The following RNF148 variants were observed in gnomAD, a reference collection of about 807,000 sequenced individuals.
RNF148 encodes ring finger protein 148.
Under a neutral mutation model 21.1 loss-of-function variants are expected in RNF148, and 16 were observed. The ratio of observed to expected loss-of-function variants is 0.76; its 90% CI spans 0.51 to 1.15. The LOEUF (loss-of-function observed/expected upper bound fraction) is 1.15. RNF148 is among the 50% of genes most tolerant of loss of function. The pLI is 0.00. For missense variants in RNF148, 424 were observed against 374.2 expected (o/e 1.13, Z -1.10); for synonymous variants, 150 against 136.4 (o/e 1.10, Z -0.69).
At position 122,701,820 on chromosome 7, in the gene RNF148, T is replaced by C. The variant is rs752037797; in HGVS notation, c.*13A>G. ...AAGATCTGGTTACATCTTCAGAAAA[T>C]TCTCCAGATTTCTTAAGTTTTCAGG... On this transcript the variant is annotated 3_prime_UTR_variant, in exon 1 of 1. Transcript: ENST00000434824. 17 of 1,519,744 alleles carry C rather than the reference T, an allele frequency of 1.1e-5. No individual in the cohort carries two copies. Among genetic ancestry groups the C allele is most frequent in the Non-Finnish European group, 1.4e-5 (16 of 1,116,094 alleles). 94.1% of individuals were successfully genotyped at this position (1,519,744 alleles called of 1,614,324 possible).
In RNF148 at chr7:122,701,907, T is replaced by C; in HGVS notation, c.844A>G (p.Lys282Glu). 1 of 1,613,618 alleles carries C rather than the reference T, an allele frequency of 6.2e-7. No individual in the cohort carries two copies. The highest frequency in any genetic ancestry group is 8.5e-7 in the Non-Finnish European group (1 of 1,179,650). ...RILTCKHFFHKACIDPWLLAH... is the reference protein window; with the variant it reads ...RILTCKHFFHEACIDPWLLAH... Reference sequence around the variant, plus strand: ...AAAAGCCAGGGGTCAATGCATGCCTTATGGAAAAAATGTTTGCAAGTTAAA... The same window carrying C: ...AAAAGCCAGGGGTCAATGCATGCCTCATGGAAAAAATGTTTGCAAGTTAAA... Residue 282 changes from lysine to glutamate, a missense_variant, in exon 1 of 1, where the codon AAG (lysine) becomes GAG (glutamate). Coordinates refer to ENST00000434824, the MANE Select transcript of RNF148 (RefSeq NM_198085.2).
At position 122,702,354 on chromosome 7, in the gene RNF148, G is replaced by C; in HGVS notation, c.397C>G (p.Gln133Glu). 4 of 1,613,802 alleles carry C rather than the reference G, an allele frequency of 2.5e-6. No individual in the cohort carries two copies. The highest frequency in any genetic ancestry group is 3.4e-6 in the Non-Finnish European group (4 of 1,179,790). Reference sequence around the variant, plus strand: ...GGAAATACTTTACTGCCCGTACCTTGATAGTTGTAGATGATCACCCCATTT... The same window carrying C: ...GGAAATACTTTACTGCCCGTACCTTCATAGTTGTAGATGATCACCCCATTT... ...GANGVIIYNY[Q>E]GTGSKVFPMS... Residue 133 changes from glutamine (Q) to glutamate (E), a missense_variant, in exon 1 of 1, where the codon CAA (glutamine) becomes GAA (glutamate). By Grantham distance (29) the Gln-to-Glu change is conservative. Transcript: ENST00000434824.
Position 122,702,127 on chromosome 7 carries a change from A to C in RNF148, c.624T>G (p.Asp208Glu). 1 of 1,613,672 alleles carries C rather than the reference A, an allele frequency of 6.2e-7. No homozygotes were observed. Among genetic ancestry groups the C allele is most frequent in the South Asian group, 1.1e-5 (1 of 91,078 alleles). Residue 208 changes from aspartate (D) to glutamate (E), a missense_variant, in exon 1 of 1, where the codon GAT becomes GAG. Coordinates refer to ENST00000434824, the MANE Select transcript of RNF148 (RefSeq NM_198085.2). ...LAATIAYFYL[D>E]CVWRLTPRVP... ...CTCTAGGTGTAAGTCTCCAGACGCA[A>C]TCTAAGTAAAAGTAGGCAATTGTGG...
At position 122,702,355 on chromosome 7, in the gene RNF148, A is replaced by ATAG. The variant is rs759538623; in HGVS notation, c.393_395dup (p.Tyr132dup). 3.1e-6 allele frequency: 5 copies of ATAG among 1,613,616 alleles called. No individual in the cohort carries two copies. Among genetic ancestry groups the ATAG allele is most frequent in the Non-Finnish European group, 4.2e-6 (5 of 1,179,778 alleles). On this transcript the variant is annotated inframe_insertion, in exon 1 of 1. Transcript: ENST00000434824. ...GAAATACTTTACTGCCCGTACCTTG[A>ATAG]TAGTTGTAGATGATCACCCCATTTG... is the stretch of plus-strand genomic sequence containing the variant.
In RNF148 at chr7:122,702,026, C is replaced by T. The variant is rs201540773; in HGVS notation, c.725G>A (p.Arg242Gln). The change falls in exon 1 of 1, where the codon CGA becomes CAA. Residue 242 changes from arginine (R) to glutamine (Q), a missense_variant. Transcript: ENST00000434824. ...TTCCTCATCCCCTTCTTTGAGAACTCGCAGTTGAAGCTGGTCAATAGCTTT... is the reference window on the plus strand; with the variant it reads ...TTCCTCATCCCCTTCTTTGAGAACTTGCAGTTGAAGCTGGTCAATAGCTTT... ...VKKAIDQLQL[R>Q]VLKEGDEELD... 2.5e-5 allele frequency: 41 copies of T among 1,613,648 alleles called. No individual in the cohort carries two copies. The African/African-American group carries it at 3.6e-4, about 14-fold the overall frequency.
rs1320244163 is a variant in RNF148 at position 122,702,456 on chromosome 7, C to T, written c.295G>A (p.Asp99Asn). 1.1e-5 allele frequency: 18 copies of T among 1,613,806 alleles called. No individual in the cohort carries two copies. Among genetic ancestry groups the T allele is most frequent in the Non-Finnish European group, 1.4e-5 (17 of 1,179,778 alleles). Residue 99 changes from aspartate (D) to asparagine (N), a missense_variant, in exon 1 of 1, where the codon GAC becomes AAC. Physicochemically the swap from Asp to Asn is conservative, Grantham distance 23. Coordinates refer to ENST00000434824, the MANE Select transcript of RNF148 (RefSeq NM_198085.2). The stretch of plus-strand genomic sequence containing the variant: ...CGTTCGATGAGGGCCAGCCATGAGT[C>T]TGCCTGTTTGGGCCTGCTGAAATTG... ...LTNFSRPKQA[D>N]SWLALIERGG...
rs376463521 is a variant in RNF148 at position 122,702,123 on chromosome 7, C to G, written c.628G>C (p.Val210Leu). The G allele has an allele frequency of 2.0e-5, 33 of 1,613,434 alleles. No individual in the cohort carries two copies. The East Asian group carries it at 4.0e-4, about 20-fold the overall frequency. Residue 210 changes from valine to leucine, a missense_variant, in exon 1 of 1, where the codon GTC becomes CTC. Val to Leu is a conservative substitution (Grantham distance 32). Transcript: ENST00000434824. Reference protein sequence around the residue: ...ATIAYFYLDCVWRLTPRVPNS... With the variant: ...ATIAYFYLDCLWRLTPRVPNS... ...GGCACTCTAGGTGTAAGTCTCCAGACGCAATCTAAGTAAAAGTAGGCAATT... is the reference window on the plus strand; with the variant it reads ...GGCACTCTAGGTGTAAGTCTCCAGAGGCAATCTAAGTAAAAGTAGGCAATT...
At position 122,702,288 on chromosome 7, in the gene RNF148, T is replaced by C. The variant is rs776551414; in HGVS notation, c.463A>G (p.Ile155Val). The change falls in exon 1 of 1, where the codon ATA becomes GTA. Residue 155 changes from isoleucine (I) to valine (V), a missense_variant. Physicochemically the swap from Ile to Val is conservative, Grantham distance 29 (BLOSUM62 3). Transcript: ENST00000434824. The stretch of plus-strand genomic sequence containing the variant: ...ATTTCCATGCCTTTCAGGTTGCTTA[T>C]CATCACCGCGACTATATTTTCCGTC... ...QGTENIVAVM[I>V]SNLKGMEILH... 2 of 1,613,854 alleles carry C rather than the reference T, an allele frequency of 1.2e-6. No individual in the cohort carries two copies. Among genetic ancestry groups the C allele is most frequent in the Middle Eastern group, 1.6e-4 (1 of 6,062 alleles).
Position 122,701,726 on chromosome 7 carries a change from G to A in RNF148, c.*107C>T. On this transcript the variant is annotated 3_prime_UTR_variant, in exon 1 of 1. Coordinates refer to ENST00000434824, the MANE Select transcript of RNF148 (RefSeq NM_198085.2). The stretch of plus-strand genomic sequence containing the variant: ...AAATTTCACCCTTGTTCATACTTGG[G>A]TAGAGAAGCTGAAATTTTCTCTCTA... 1.4e-6 allele frequency: 1 copy of A among 701,714 alleles called. No homozygotes were observed. Among genetic ancestry groups the A allele is most frequent in the South Asian group, 2.2e-5 (1 of 44,676 alleles). 43.5% of individuals were successfully genotyped at this position (701,714 alleles called of 1,614,324 possible).
In RNF148 at chr7:122,702,040, G is replaced by T. The variant is rs751255171; in HGVS notation, c.711C>A (p.Asp237Glu). 2.5e-6 allele frequency: 4 copies of T among 1,613,480 alleles called. No homozygotes were observed. Among genetic ancestry groups the T allele is most frequent in the Non-Finnish European group, 3.4e-6 (4 of 1,179,626 alleles). ...QIKTDVKKAI[D>E]QLQLRVLKEG... is the part of the protein sequence containing the mutation. ...CTTTGAGAACTCGCAGTTGAAGCTG[G>T]TCAATAGCTTTCTTCACATCTGTCT... is the stretch of plus-strand genomic sequence containing the variant. The change falls in exon 1 of 1, where the codon GAC (aspartate) becomes GAA (glutamate). Residue 237 changes from aspartate (D) to glutamate (E), a missense_variant. Coordinates refer to ENST00000434824, the MANE Select transcript of RNF148 (RefSeq NM_198085.2).
Position 122,702,583 on chromosome 7 carries a change from T to C in RNF148, c.168A>G (p.Leu56=), listed in dbSNP as rs566756622. The C allele has an allele frequency of 2.5e-6, 4 of 1,613,682 alleles. No individual in the cohort carries two copies. The African/African-American group carries it at 5.3e-5, about 22-fold the overall frequency. The change falls in exon 1 of 1, where the codon TTA becomes TTG. Residue 56 remains leucine (L), a synonymous_variant. Transcript: ENST00000434824. ...FQVGNEITSE[L]GESGVFGNHS... is the part of the protein sequence containing the mutation. Reference sequence around the variant, plus strand: ...GATTCCCGAACACTCCACTCTCTCCTAATTCCGATGTGATCTCATTTCCAA... The same window carrying C: ...GATTCCCGAACACTCCACTCTCTCCCAATTCCGATGTGATCTCATTTCCAA...
Position 122,702,688 on chromosome 7 carries a change from A to C in RNF148, c.63T>G (p.Leu21=). Residue 21 remains leucine, a synonymous_variant, in exon 1 of 1, where the codon CTT becomes CTG. Transcript: ENST00000434824. ...HSSVSSGLLR[L]SIFLLLSFPD... is the part of the protein sequence containing the mutation. ...GAAAGCTAAGTAGTAGAAAGATACT[A>C]AGCCTCAAAAGTCCAGATGAAACAG... 1 of 1,612,846 alleles carries C rather than the reference A, an allele frequency of 6.2e-7. No homozygotes were observed. The highest frequency in any genetic ancestry group is 1.1e-5 in the South Asian group (1 of 90,964).
In RNF148 at chr7:122,702,472, G is replaced by C; in HGVS notation, c.279C>G (p.Ser93Arg). ...GCCATGAGTCTGCCTGTTTGGGCCT[G>C]CTGAAATTGGTCAAAGGATGACAGG... is the stretch of plus-strand genomic sequence containing the variant. ...QNACHPLTNF[S>R]RPKQADSWLA... Residue 93 changes from serine to arginine, a missense_variant, in exon 1 of 1, where the codon AGC becomes AGG. Ser to Arg is a moderately radical substitution (Grantham distance 110, BLOSUM62 -1). Coordinates refer to ENST00000434824, the MANE Select transcript of RNF148 (RefSeq NM_198085.2). 1 of 1,613,704 alleles carries C rather than the reference G, an allele frequency of 6.2e-7. No homozygotes were observed.
In RNF148 at chr7:122,701,950, G is replaced by C. The variant is rs1420496484; in HGVS notation, c.801C>G (p.Pro267=). The C allele has an allele frequency of 6.2e-7, 1 of 1,613,548 alleles. No homozygotes were observed. The highest frequency in any genetic ancestry group is 1.1e-5 in the South Asian group (1 of 91,080). ...NCVVCFDTYK[P]QDVVRILTCK... Reference sequence around the variant, plus strand: ...AAGTTAAAATGCGTACTACATCTTGGGGTTTGTATGTGTCAAAGCAAACAA... The same window carrying C: ...AAGTTAAAATGCGTACTACATCTTGCGGTTTGTATGTGTCAAAGCAAACAA... Residue 267 remains proline, a synonymous_variant, in exon 1 of 1, where the codon CCC becomes CCG. Transcript: ENST00000434824.
chr7:122,702,242 C>T lies in RNF148; in HGVS notation c.509G>A (p.Gly170Glu). 2 of 1,613,872 alleles carry T rather than the reference C, an allele frequency of 1.2e-6. No individual in the cohort carries two copies. The highest frequency in any genetic ancestry group is 1.7e-6 in the Non-Finnish European group (2 of 1,179,800). Residue 170 changes from glycine (G) to glutamate (E), a missense_variant, in exon 1 of 1, where the codon GGA becomes GAA. Transcript: ENST00000434824. ...TTCAATGATGACTGTCACATAGACT[C>T]CTTTCTGAATCGAGTGCAAAATTTC... is the stretch of plus-strand genomic sequence containing the variant. The part of the protein sequence containing the change: ...GMEILHSIQK[G>E]VYVTVIIEVG...
rs1489087051 is a variant in RNF148, at chr7:122,702,830, G to A, written c.-80C>T. Reference sequence around the variant, plus strand: ...TAGAAGAACATAAAGAAGATAGCTTGTTGGCGGCAGATTACTAAAGCACAT... The same window carrying A: ...TAGAAGAACATAAAGAAGATAGCTTATTGGCGGCAGATTACTAAAGCACAT... On this transcript the variant is annotated 5_prime_UTR_variant, in exon 1 of 1. Transcript: ENST00000434824. 9.2e-7 allele frequency: 1 copy of A among 1,084,886 alleles called. No individual in the cohort carries two copies. The highest frequency in any genetic ancestry group is 1.6e-5 in the African/African-American group (1 of 62,600). The allele number at this position is 1,084,886 out of a possible 1,614,324, so 67.2% of individuals were successfully genotyped here.
Position 122,702,208 on chromosome 7 carries a change from T to G in RNF148, c.543A>C (p.Arg181Ser). Reference sequence around the variant, plus strand: ...AATGGCTCACCCACTGCATGTGCATTCTCCCCACTTCAATGATGACTGTCA... The same window carrying G: ...AATGGCTCACCCACTGCATGTGCATGCTCCCCACTTCAATGATGACTGTCA... The part of the protein sequence containing the change: ...VYVTVIIEVG[R>S]MHMQWVSHYI... Residue 181 changes from arginine to serine, a missense_variant, in exon 1 of 1, where the codon AGA becomes AGC. Physicochemically the swap from Arg to Ser is moderately radical, Grantham distance 110. Coordinates refer to ENST00000434824, the MANE Select transcript of RNF148 (RefSeq NM_198085.2). 1.9e-6 allele frequency: 3 copies of G among 1,613,726 alleles called. No individual in the cohort carries two copies. The highest frequency in any genetic ancestry group is 2.5e-6 in the Non-Finnish European group (3 of 1,179,744).
Position 122,702,063 on chromosome 7 carries a change from T to C in RNF148, c.688A>G (p.Thr230Ala), listed in dbSNP as rs768783615. The C allele has an allele frequency of 4.3e-6, 7 of 1,613,642 alleles. No individual in the cohort carries two copies. In the South Asian group the frequency reaches 7.7e-5, roughly 18 times the overall value. ...SFTRRRSQIK[T>A]DVKKAIDQLQ... ...TGGTCAATAGCTTTCTTCACATCTG[T>C]CTTTATTTGACTTCGCCTCCTGGTG... is the stretch of plus-strand genomic sequence containing the variant. Residue 230 changes from threonine (T) to alanine (A), a missense_variant, in exon 1 of 1, where the codon ACA becomes GCA. Transcript: ENST00000434824.
rs750874091 is a variant in RNF148, at chr7:122,702,719, T to C, written c.32A>G (p.His11Arg). The C allele has an allele frequency of 2.2e-5, 35 of 1,610,146 alleles. No homozygotes were observed. The highest frequency in any genetic ancestry group is 2.9e-5 in the Non-Finnish European group (34 of 1,177,974). The change falls in exon 1 of 1, where the codon CAT becomes CGT. Residue 11 changes from histidine (H) to arginine (R), a missense_variant. Transcript: ENST00000434824. The part of the protein sequence containing the change: MSFLRITPST[H>R]SSVSSGLLRL... ...CAAAAGTCCAGATGAAACAGAACTA[T>C]GCGTCGAAGGGGTAATTCTAAGGAA...
Sources: gnomAD v4.1 joint callset for allele counts on GRCh38, gnomAD v4.1.1 for gene constraint, MANE v1.5 for transcripts, NCBI Gene and HGNC (gene_info 2026-07-23, HGNC 2026-07-21) for gene names.